Variants in SNX10 observed in about 807,000 individuals in gnomAD.
SNX10 encodes sorting nexin 10.
Under a neutral mutation model 28.5 loss-of-function variants are expected in SNX10, and 25 were observed. The ratio of observed to expected loss-of-function variants is 0.88; its 90% confidence interval spans 0.64 to 1.22. The LOEUF is 1.22. Among genes scored for constraint, SNX10 ranks in the 50% most tolerant of loss-of-function variants. SNX10 has a pLI of 0.00. For missense variants in SNX10, 223 were observed against 242.6 expected (o/e 0.92, Z 0.54); for synonymous variants, 62 against 81.4 (o/e 0.76, Z 1.28).
At chr7:26,325,427 C>T (rs916969756) in intron 1 of SNX10, among the ~76,000 whole-genome samples, 2 of 149,022 alleles carry the variant, frequency 1.3e-5, no homozygotes, top group Non-Finnish European at 3.0e-5. Flanking sequence ...AATTCTCCTG[C>T]CTCAGCCTAC....
In SNX10 at chr7:26,364,329, C is replaced by T. The variant is rs1789204830; in HGVS notation, c.112-206C>T. 1 of 1,290,696 alleles carries T rather than the reference C, an allele frequency of 7.7e-7. No homozygotes were observed. The highest frequency in any genetic ancestry group is 1.5e-5 in the African/African-American group (1 of 66,830). 80.0% of individuals were successfully genotyped at this position (1,290,696 alleles called of 1,614,324 possible). On this transcript the variant is annotated intron_variant, in intron 3 of 6. Coordinates refer to ENST00000338523, the MANE Select transcript of SNX10 (RefSeq NM_013322.3). This position sits in a 1 kb window ranked among gnomAD's most constrained non-coding sequence, Gnocchi z 4.9. Reference sequence around the variant, plus strand: ...CATACCTCACCCTGGGGCAACACTGCTTATTTCCATCATCCTGGCTGTCTT... The same window carrying T: ...CATACCTCACCCTGGGGCAACACTGTTTATTTCCATCATCCTGGCTGTCTT...
intron 2 of SNX10, among the ~76,000 whole-genome samples, chr7:26,351,098 C>T (rs1170184356): frequency 6.6e-6 from 1 of 152,132 alleles, no homozygotes; most frequent in Non-Finnish European, 1.5e-5. Flanking sequence ...AAATTGAGAT[C>T]ATACAGAATT....
chr7:26,367,338 C>T (rs1464988482), intron 5 of SNX10, among the ~76,000 whole-genome samples: 2 of 152,196 alleles, frequency 1.3e-5, no homozygotes, highest in Non-Finnish European at 2.9e-5. Context: ...AGGGCTACGG[C>T]TAGATTCATT....
At chr7:26,371,468 A>C (rs1456326190) in intron 5 of SNX10, among the ~76,000 whole-genome samples, 3 of 152,212 alleles carry the variant, frequency 2.0e-5, no homozygotes, top group Non-Finnish European at 4.4e-5. Context: ...TGCTGTTGGC[A>C]GTAAATTTTT....
intron 2 of SNX10, among the ~76,000 whole-genome samples, chr7:26,359,295 G>A (rs753664563): frequency 1.3e-5 from 2 of 152,000 alleles, no homozygotes; most frequent in Non-Finnish European, 2.9e-5. Context: ...TTCAGAGTGT[G>A]GTGTATTTTT....
intron 1 of SNX10, among the ~76,000 whole-genome samples, chr7:26,315,929 T>A (rs914980241): frequency 6.6e-6 from 1 of 151,952 alleles, no homozygotes; most frequent in Admixed American, 6.6e-5. Flanking sequence ...ACTCCTGTAA[T>A]CCCAGCACTT....
intron 1 of SNX10, among the ~76,000 whole-genome samples, chr7:26,331,577 C>A (rs1366331852): frequency 6.6e-6 from 1 of 152,082 alleles, no homozygotes; most frequent in Non-Finnish European, 1.5e-5. Flanking sequence ...CAAAGCTAGA[C>A]CCTGTCTCAA....
At chr7:26,336,597 G>A (rs1011285064) in intron 1 of SNX10, among the ~76,000 whole-genome samples, 4 of 152,070 alleles carry the variant, frequency 2.6e-5, no homozygotes, top group African/African-American at 9.7e-5. Context: ...CCCACCTACC[G>A]GGGAGGCTGA....
intron 2 of SNX10, among the ~76,000 whole-genome samples, chr7:26,351,062 A>G (rs1343018091): frequency 6.6e-6 from 1 of 152,116 alleles, no homozygotes; most frequent in East Asian, 1.9e-4. Context: ...GTCTTTTTCT[A>G]TATATATGTA....
chr7:26,324,406 C>T (rs898639102), intron 1 of SNX10, among the ~76,000 whole-genome samples: 9 of 152,156 alleles, frequency 5.9e-5, no homozygotes, highest in Non-Finnish European at 1.2e-4. Context: ...GTCACCCAGG[C>T]TAGAATGCAG....
intron 2 of SNX10, among the ~76,000 whole-genome samples, chr7:26,353,459 T>TGG (rs1554359899): frequency 0.062 from 3,594 of 58,316 alleles, 555 homozygotes; most frequent in Non-Finnish European, 0.11. Context: ...TTTTTTTTTT[T>TGG]TGGTGGGGAG....
chr7:26,330,303 A>C (rs1787687903), intron 1 of SNX10, among the ~76,000 whole-genome samples: 1 of 152,038 alleles, frequency 6.6e-6, no homozygotes, highest in Admixed American at 6.5e-5. Context: ...TCTTGCTAGG[A>C]AATGAGGGGG....
chr7:26,349,656 G>A lies in SNX10; in HGVS notation c.24+3190G>A, dbSNP rs1429570095. 3.3e-5 allele frequency among the ~76,000 whole-genome samples: 5 copies of A among 152,042 alleles called. No individual in the cohort carries two copies. In the South Asian group the frequency reaches 8.3e-4, roughly 25 times the overall value. ...TTACATATTTTAATAAGAATAATTAGATGGACCCAACTGAATCAACTCTTC... is the reference window on the plus strand; with the variant it reads ...TTACATATTTTAATAAGAATAATTAAATGGACCCAACTGAATCAACTCTTC... On this transcript the variant is annotated intron_variant, in intron 2 of 6. Transcript: ENST00000338523.
rs376982694 is a variant in SNX10 at position 26,330,485 on chromosome 7, G to A, written c.-23-15935G>A. 1.1e-4 allele frequency among the ~76,000 whole-genome samples: 16 copies of A among 152,222 alleles called. 1 individual carries two copies. Among genetic ancestry groups the A allele is most frequent in the African/African-American group, 3.4e-4 (14 of 41,522 alleles). On this transcript the variant is annotated intron_variant, in intron 1 of 6. Coordinates refer to ENST00000338523, the MANE Select transcript of SNX10 (RefSeq NM_013322.3). ...CCAGGGAGGGGCGGGTGGAGAAGCC[G>A]GGGTGCAGCTAAGATGAAGCTGCTG...
chr7:26,339,404 G>C (rs991216199), intron 1 of SNX10, among the ~76,000 whole-genome samples: 2 of 151,852 alleles, frequency 1.3e-5, no homozygotes, highest in African/African-American at 4.8e-5. Flanking sequence ...TTTTTAAATC[G>C]GATTTTTTAT....
Position 26,313,503 on chromosome 7 carries a change from G to C in SNX10, c.-24+21417G>C, listed in dbSNP as rs538352963. ...AGCATGGGAGGACCTACTATATCTG[G>C]GACTCTATGCAAAGAATATTCAGAG... On this transcript the variant is annotated intron_variant, in intron 1 of 6. Coordinates refer to ENST00000338523, the MANE Select transcript of SNX10 (RefSeq NM_013322.3). 9.2e-5 allele frequency among the ~76,000 whole-genome samples: 14 copies of C among 152,176 alleles called. 1 individual carries two copies. The East Asian group carries it at 2.7e-3, about 29-fold the overall frequency.
chr7:26,361,166 G>C, intron 3 of SNX10, 105 bp downstream of exon 3: 1 of 1,092,794 alleles, frequency 9.2e-7, no homozygotes, highest in Non-Finnish European at 1.3e-6. Flanking sequence ...TCAAATAACT[G>C]AATTTGAATG....
In SNX10 at chr7:26,291,911, G is replaced by C. The variant is rs1224632016; in HGVS notation, c.-199G>C. ...ACGGCTGGCGCTGAGCGCGGGCGCG[G>C]GGCCGCTACGTGCGCGGGGAGCGCG... On this transcript the variant is annotated 5_prime_UTR_variant, in exon 1 of 7. Transcript: ENST00000338523. 6.6e-6 allele frequency: 1 copy of C among 150,644 alleles called. No individual in the cohort carries two copies. The highest frequency in any genetic ancestry group is 1.5e-5 in the Non-Finnish European group (1 of 67,664). 9.3% of individuals were successfully genotyped at this position (150,644 alleles called of 1,614,324 possible). A position where few individuals can be genotyped will look rare whatever the true frequency, so the allele number is the denominator to read the frequency against.
rs73683285 is a variant in SNX10, at chr7:26,317,083, G to T, written c.-24+24997G>T. On this transcript the variant is annotated intron_variant, in intron 1 of 6. Coordinates refer to ENST00000338523, the MANE Select transcript of SNX10 (RefSeq NM_013322.3). Reference sequence around the variant, plus strand: ...AGGAGCCATGCCATTTGTAATTTACGGTTTGGTGGGGCACAGACATTAATT... The same window carrying T: ...AGGAGCCATGCCATTTGTAATTTACTGTTTGGTGGGGCACAGACATTAATT... Among the ~76,000 whole-genome samples, 646 of 152,234 alleles carry T rather than the reference G, an allele frequency of 4.2e-3. 8 individuals carry two copies. The highest frequency in any genetic ancestry group is 0.015 in the African/African-American group (611 of 41,526).
Sources: gnomAD v4.1 joint callset for allele counts (sites outside exome capture counted in the v4.1 genomes callset) on GRCh38, gnomAD v4.1.1 for gene constraint, Gnocchi (gnomAD v3.1) non-coding constraint, MANE v1.5 for transcripts, NCBI Gene and HGNC (gene_info 2026-07-23, HGNC 2026-07-21) for gene names.